ABCG8: variants seen among roughly 807,000 people sequenced by gnomAD.
ABCG8 encodes ATP binding cassette subfamily G member 8.
Under a neutral mutation model 71.3 loss-of-function variants are expected in ABCG8, and 81 were observed. The observed-to-expected ratio is 1.14, with a 90% CI of 0.95 to 1.37. The LOEUF (loss-of-function observed/expected upper bound fraction) is 1.37. Ranked by LOEUF, ABCG8 falls within the 40% of genes most tolerant of loss-of-function variation. The pLI is 0.00. For missense variants in ABCG8, 1,119 were observed against 866.2 expected, an observed-to-expected ratio of 1.29 and a Z score of -3.66; for synonymous variants, 451 against 354.7, an observed-to-expected ratio of 1.27 and a Z score of -3.05.
intron 6 of ABCG8, among the ~76,000 whole-genome samples, chr2:43,870,230 T>G (rs1427760385): frequency 4.0e-5 from 6 of 151,598 alleles, no homozygotes; most frequent in Non-Finnish European, 8.8e-5. Flanking sequence ...GATATAATCC[T>G]CACTCTCTGG....
chr2:43,848,516 A>AAGTTTGCTTGC (rs757067037), intron 3 of ABCG8: 1 of 152,224 alleles, frequency 6.6e-6, no homozygotes, highest in African/African-American at 2.4e-5. Context: ...TTTACATACT[A>AAGTTTGCTTGC]AGTTTGCTTG....
In ABCG8 at chr2:43,878,829, G is replaced by C. The variant is rs1017972937; in HGVS notation, c.*916G>C. The stretch of plus-strand genomic sequence containing the variant: ...AATTGTAATAATCCCCAAGTGTCAA[G>C]GGCGGGACCAGATGGAGATAATTGA... On this transcript the variant is annotated 3_prime_UTR_variant, in exon 13 of 13. Coordinates refer to ENST00000272286, the MANE Select transcript of ABCG8 (RefSeq NM_022437.3). 3 of 152,242 alleles carry C rather than the reference G, an allele frequency of 2.0e-5. No homozygotes were observed. Among genetic ancestry groups the C allele is most frequent in the Non-Finnish European group, 2.9e-5 (2 of 68,082 alleles). The allele number at this position is 152,242 out of a possible 1,614,324, so 9.4% of individuals were successfully genotyped here.
chr2:43,875,625 T>C (rs1317059371), intron 11 of ABCG8, among the ~76,000 whole-genome samples: 1 of 152,192 alleles, frequency 6.6e-6, no homozygotes. Context: ...ACAGCTGATA[T>C]CCAGAAGTCG....
At chr2:43,845,558 T>G (rs1394958267) in intron 2 of ABCG8, among the ~76,000 whole-genome samples, 2 of 152,236 alleles carry the variant, frequency 1.3e-5, no homozygotes, top group Non-Finnish European at 2.9e-5. Context: ...TAGTATCAAG[T>G]GAAGACATTT....
At chr2:43,855,633 T>A (rs1391219782) in intron 6 of ABCG8, among the ~76,000 whole-genome samples, 2 of 152,136 alleles carry the variant, frequency 1.3e-5, no homozygotes, top group Admixed American at 1.3e-4. Flanking sequence ...AATCTCACTA[T>A]CTGTCTGGAT....
intron 1 of ABCG8, among the ~76,000 whole-genome samples, chr2:43,842,882 G>A (rs994042254): frequency 6.6e-6 from 1 of 151,894 alleles, no homozygotes; most frequent in African/African-American, 2.4e-5. Flanking sequence ...GAACTCTAAG[G>A]GTTCCCCACA....
intron 1 of ABCG8, among the ~76,000 whole-genome samples, chr2:43,841,224 G>A (rs1668573328): frequency 6.6e-6 from 1 of 152,214 alleles, no homozygotes. Context: ...AGAAACATGT[G>A]CTCTGTGAGT....
intron 3 of ABCG8, among the ~76,000 whole-genome samples, chr2:43,850,849 G>T (rs768217223): frequency 6.6e-6 from 1 of 151,374 alleles, no homozygotes; most frequent in Non-Finnish European, 1.5e-5. Context: ...GGCAGAGATT[G>T]CAGTGAGCTG....
chr2:43,859,092 C>T (rs1267377906), intron 6 of ABCG8, among the ~76,000 whole-genome samples: 1 of 150,984 alleles, frequency 6.6e-6, no homozygotes, highest in Admixed American at 6.6e-5. Context: ...CTGTCACTCT[C>T]AGAACTTTCT....
chr2:43,862,979 C>A (rs1669381507), intron 6 of ABCG8, among the ~76,000 whole-genome samples: 1 of 145,238 alleles, frequency 6.9e-6, no homozygotes, highest in Non-Finnish European at 1.5e-5. Flanking sequence ...AGAATTCTCA[C>A]TGTCTGTATA....
rs572514849 is a variant in ABCG8 at position 43,882,101 on chromosome 2, T to C, written c.*4188T>C. On this transcript the variant is annotated 3_prime_UTR_variant, in exon 13 of 13. Transcript: ENST00000272286. Reference sequence around the variant, plus strand: ...TTCAAGTTATGCTATTGGTGGGGAATTTTAATTAAACAGAAAATAATCACC... The same window carrying C: ...TTCAAGTTATGCTATTGGTGGGGAACTTTAATTAAACAGAAAATAATCACC... 17 of 152,372 alleles carry C rather than the reference T, an allele frequency of 1.1e-4. No individual in the cohort carries two copies. Among genetic ancestry groups the C allele is most frequent in the African/African-American group, 3.8e-4 (16 of 41,578 alleles). The allele number at this position is 152,372 out of a possible 1,614,324, so 9.4% of individuals were successfully genotyped here. A position where few individuals can be genotyped will look rare whatever the true frequency, so the allele number is the denominator to read the frequency against.
rs145482605 is a variant in ABCG8 at position 43,852,633 on chromosome 2, C to T, written c.729C>T (p.Leu243=). 120 of 1,614,152 alleles carry T rather than the reference C, an allele frequency of 7.4e-5. No homozygotes were observed. The African/African-American group carries it at 1.0e-3, about 13-fold the overall frequency. Residue 243 remains leucine (L), a synonymous_variant, in exon 6 of 13, where the codon CTC becomes CTT. Coordinates refer to ENST00000272286, the MANE Select transcript of ABCG8 (RefSeq NM_022437.3). ...TTCTCGACGAACCCACCTCTGGGCT[C>T]GACAGCTTCACAGCCCACAACCTGG... ...ILILDEPTSG[L]DSFTAHNLVK... is the part of the protein sequence containing the mutation.
chr2:43,879,269 C>T lies in ABCG8; in HGVS notation c.*1356C>T, dbSNP rs1441433192. On this transcript the variant is annotated 3_prime_UTR_variant, in exon 13 of 13. Coordinates refer to ENST00000272286, the MANE Select transcript of ABCG8 (RefSeq NM_022437.3). The stretch of plus-strand genomic sequence containing the variant: ...CACAGAGGGCAGGAGAGGATGTTCC[C>T]AAAGGAAAATTAGAGTTTAGAATCA... 1 of 152,226 alleles carries T rather than the reference C, an allele frequency of 6.6e-6. No homozygotes were observed. The highest frequency in any genetic ancestry group is 1.5e-5 in the Non-Finnish European group (1 of 68,164). 9.4% of individuals were successfully genotyped at this position (152,226 alleles called of 1,614,324 possible).
chr2:43,859,072 C>G (rs989313444), intron 6 of ABCG8, among the ~76,000 whole-genome samples: 7 of 151,244 alleles, frequency 4.6e-5, no homozygotes, highest in Admixed American at 4.0e-4. Flanking sequence ...CACTATCTGT[C>G]TGGATAGAAC....
At chr2:43,853,057 T>C (rs1207302375) in intron 6 of ABCG8, among the ~76,000 whole-genome samples, 189 bp downstream of exon 6, 1 of 152,042 alleles carries the variant, frequency 6.6e-6, no homozygotes, top group East Asian at 1.9e-4. Flanking sequence ...GGCCTGGAAA[T>C]AGAAGCTTCT....
At chr2:43,869,168 T>G (rs1669659714) in intron 6 of ABCG8, among the ~76,000 whole-genome samples, 1 of 152,098 alleles carries the variant, frequency 6.6e-6, no homozygotes, top group Non-Finnish European at 1.5e-5. Flanking sequence ...TGGATAGAAT[T>G]CTCACTGTGG....
intron 6 of ABCG8, among the ~76,000 whole-genome samples, chr2:43,857,694 A>G (rs976069483): frequency 1.3e-5 from 2 of 151,776 alleles, no homozygotes; most frequent in African/African-American, 2.4e-5. Context: ...ATCTTTCAGG[A>G]TAGAACTCTT....
At chr2:43,839,459 C>G (rs1396815515) in intron 1 of ABCG8, among the ~76,000 whole-genome samples, 4 of 97,628 alleles carry the variant, frequency 4.1e-5, no homozygotes, top group African/African-American at 1.6e-4. Context: ...CGGAGTCTCG[C>G]TCTGTTGCCC....
rs2104949113 is a variant in ABCG8, at chr2:43,875,224, C to G, written c.1567C>G (p.Pro523Ala). Residue 523 changes from proline to alanine, a missense_variant, in exon 11 of 13, where the codon CCA (proline) becomes GCA (alanine). By Grantham distance (27) the Pro-to-Ala change is conservative. Coordinates refer to ENST00000272286, the MANE Select transcript of ABCG8 (RefSeq NM_022437.3). ...CACCTACTGGCTGGCCAACCTGAGGCCAGGCCTCCAGCCCTTCCTGCTGCA... is the reference window on the plus strand; with the variant it reads ...CACCTACTGGCTGGCCAACCTGAGGGCAGGCCTCCAGCCCTTCCTGCTGCA... ...MPTYWLANLR[P>A]GLQPFLLHFL... 1.2e-6 allele frequency: 2 copies of G among 1,614,236 alleles called. No individual in the cohort carries two copies. The highest frequency in any genetic ancestry group is 4.5e-5 in the East Asian group (2 of 44,888).
Sources: gnomAD v4.1 joint callset for allele counts (sites outside exome capture counted in the v4.1 genomes callset) on GRCh38, gnomAD v4.1.1 for gene constraint, MANE v1.5 for transcripts, NCBI Gene and HGNC (gene_info 2026-07-23, HGNC 2026-07-21) for gene names.